Variants in SCHIP1 observed in about 807,000 individuals in gnomAD.
SCHIP1 encodes schwannomin interacting protein 1.
In SCHIP1, 8 loss-of-function variants were observed where a neutral mutation model predicts 29.7. The observed-to-expected ratio is 0.27, with a 90% CI of 0.16 to 0.49. The LOEUF (loss-of-function observed/expected upper bound fraction) is 0.49, where lower values mean the gene tolerates loss of function less well. Among genes scored for constraint, SCHIP1 ranks in the 20% least tolerant of loss-of-function variants. The pLI, the probability that SCHIP1 is intolerant of heterozygous loss-of-function variation, is 0.99. For missense variants in SCHIP1, 193 were observed against 294.6 expected, an observed-to-expected ratio of 0.66 and a Z score of 2.52; for synonymous variants, 76 against 94.9, an observed-to-expected ratio of 0.80 and a Z score of 1.16.
intron 2 of SCHIP1, among the ~76,000 whole-genome samples, chr3:159,866,566 T>A (rs1714653044): frequency 6.6e-6 from 1 of 152,096 alleles, no homozygotes; most frequent in African/African-American, 2.4e-5. Context: ...GATAGAGGAA[T>A]CAAGCCACAC....
At chr3:159,738,560 A>G in the SCHIP1 span, among the ~76,000 whole-genome samples, 4 of 152,176 alleles carry the variant, frequency 2.6e-5, no homozygotes, top group African/African-American at 9.6e-5. Context: ...GCTGCATCCT[A>G]ACATTTATTA....
the SCHIP1 span, among the ~76,000 whole-genome samples, chr3:159,554,277 T>A: frequency 6.6e-6 from 1 of 152,138 alleles, no homozygotes; most frequent in African/African-American, 2.4e-5. Flanking sequence ...AAGTTAGCCA[T>A]GAAATTTCAT....
At chr3:159,429,585 G>GCTAACTAAA in the SCHIP1 span, among the ~76,000 whole-genome samples, 1 of 152,118 alleles carries the variant, frequency 6.6e-6, no homozygotes, top group Non-Finnish European at 1.5e-5. Flanking sequence ...GTATTTTATG[G>GCTAACTAAA]ATATTAACTA....
chr3:159,295,275 A>C, the SCHIP1 span, among the ~76,000 whole-genome samples: 7 of 140,296 alleles, frequency 5.0e-5, no homozygotes, highest in African/African-American at 1.8e-4. Context: ...AAAAAAAAAA[A>C]ACAACTAGCC....
chr3:159,392,715 T>C, the SCHIP1 span, among the ~76,000 whole-genome samples: 1 of 152,042 alleles, frequency 6.6e-6, no homozygotes, highest in East Asian at 1.9e-4. Context: ...TCTATCATTG[T>C]TGGACATTTG....
At chr3:159,477,646 C>A in the SCHIP1 span, among the ~76,000 whole-genome samples, 1 of 152,046 alleles carries the variant, frequency 6.6e-6, no homozygotes, top group African/African-American at 2.4e-5. Flanking sequence ...TTTCTTCTTG[C>A]TATTGAATTC....
At chr3:159,828,377 A>ATATATATGTATATATATATG in the SCHIP1 span, among the ~76,000 whole-genome samples, 24 of 73,670 alleles carry the variant, frequency 3.3e-4, 3 homozygotes, top group African/African-American at 1.4e-3. Context: ...ATATATATAC[A>ATATATATGTATATATATATG]TATATATATA....
chr3:159,650,839 A>T, the SCHIP1 span, among the ~76,000 whole-genome samples: 1 of 152,176 alleles, frequency 6.6e-6, no homozygotes, highest in Non-Finnish European at 1.5e-5. Context: ...TATGTGAAAA[A>T]TTTATGGGAA....
the SCHIP1 span, among the ~76,000 whole-genome samples, chr3:159,554,246 T>C: frequency 6.6e-6 from 1 of 152,152 alleles, no homozygotes; most frequent in Admixed American, 6.6e-5. Context: ...GAATGAAAAC[T>C]GGATGCCATA....
chr3:159,794,611 T>G, the SCHIP1 span, among the ~76,000 whole-genome samples: 1 of 152,232 alleles, frequency 6.6e-6, no homozygotes, highest in Non-Finnish European at 1.5e-5. Flanking sequence ...CCTCTAGTGG[T>G]CAGTATACTT....
At chr3:159,301,091 G>A in the SCHIP1 span, among the ~76,000 whole-genome samples, 1 of 152,068 alleles carries the variant, frequency 6.6e-6, no homozygotes. Context: ...GTACATATAT[G>A]TACATATATA....
At chr3:159,680,413 G>T in the SCHIP1 span, among the ~76,000 whole-genome samples, 1 of 147,154 alleles carries the variant, frequency 6.8e-6, no homozygotes, top group African/African-American at 2.5e-5. Context: ...AGAGGCTGAG[G>T]CAGGAGAACT....
At chr3:159,640,017 T>C in the SCHIP1 span, among the ~76,000 whole-genome samples, 2 of 152,228 alleles carry the variant, frequency 1.3e-5, no homozygotes, top group East Asian at 1.9e-4. Flanking sequence ...TTTTTTCCCA[T>C]TTAGTACAAA....
At chr3:159,496,083 C>T in the SCHIP1 span, among the ~76,000 whole-genome samples, 5 of 152,166 alleles carry the variant, frequency 3.3e-5, no homozygotes, top group East Asian at 1.9e-4. Context: ...CCCTTCCTTA[C>T]ACCTTATACA....
chr3:159,627,147 G>C, the SCHIP1 span, among the ~76,000 whole-genome samples: 1 of 152,086 alleles, frequency 6.6e-6, no homozygotes, highest in Admixed American at 6.6e-5. Context: ...TTCTGTTCCT[G>C]TGTTAGTTTG....
At chr3:159,439,801 T>A in the SCHIP1 span, among the ~76,000 whole-genome samples, 1 of 152,200 alleles carries the variant, frequency 6.6e-6, no homozygotes, top group African/African-American at 2.4e-5. Flanking sequence ...GATGCATAGT[T>A]TGCAAAAATT....
At chr3:159,410,181 A>G in the SCHIP1 span, among the ~76,000 whole-genome samples, 1 of 152,274 alleles carries the variant, frequency 6.6e-6, no homozygotes, top group South Asian at 2.1e-4. Context: ...CTACTATAAG[A>G]AAACATTGGG....
At chr3:159,796,489 C>G in the SCHIP1 span, among the ~76,000 whole-genome samples, 1 of 152,076 alleles carries the variant, frequency 6.6e-6, no homozygotes, top group Non-Finnish European at 1.5e-5. Flanking sequence ...CCAGCCTTCC[C>G]AGATTTCCCA....
At chr3:159,475,852 A>G in the SCHIP1 span, among the ~76,000 whole-genome samples, 182 of 152,310 alleles carry the variant, frequency 1.2e-3, 1 homozygote, top group African/African-American at 4.1e-3. Context: ...ACAGGAATTA[A>G]GGCAAAAGTT....
Sources: allele counts gnomAD v4.1 joint callset (sites outside exome capture counted in the v4.1 genomes callset), GRCh38; gene constraint gnomAD v4.1.1; transcripts MANE v1.5; gene names NCBI Gene and HGNC (gene_info 2026-07-23, HGNC 2026-07-21).